GREM2: variants seen among roughly 807,000 people sequenced by gnomAD.
GREM2 encodes the protein gremlin-2.
A neutral mutation model predicts 14.2 loss-of-function variants in GREM2; 11 were observed. That is an observed-to-expected ratio of 0.78 (90% CI 0.49 to 1.28). The LOEUF (loss-of-function observed/expected upper bound fraction) is 1.28, where lower values mean the gene tolerates loss of function less well. Ranked by LOEUF, GREM2 falls within the 50% of genes most tolerant of loss-of-function variation. GREM2 has a pLI of 0.00. For missense variants in GREM2, 210 were observed against 218.5 expected, an observed-to-expected ratio of 0.96 and a Z score of 0.24; for synonymous variants, 98 against 97.6, an observed-to-expected ratio of 1.00 and a Z score of -0.02.
chr1:240,611,675 C>T (rs575474643), intron 1 of GREM2, among the ~76,000 whole-genome samples: 8 of 152,262 alleles, frequency 5.3e-5, no homozygotes, highest in Middle Eastern at 3.4e-3. Context: ...GTTACACCCA[C>T]GCATAATTCA....
chr1:240,597,696 C>T (rs1256689640), intron 1 of GREM2, among the ~76,000 whole-genome samples: 2 of 152,166 alleles, frequency 1.3e-5, no homozygotes, highest in African/African-American at 4.8e-5. Flanking sequence ...TTGTTGAATA[C>T]ACACAAATCA....
chr1:240,526,972 C>T (rs1678238927), intron 1 of GREM2, among the ~76,000 whole-genome samples: 1 of 152,134 alleles, frequency 6.6e-6, no homozygotes, highest in South Asian at 2.1e-4. Context: ...TGATGTTCTA[C>T]CAGCTAAGCA....
At chr1:240,562,708 CGTGT>C (rs10643403) in intron 1 of GREM2, among the ~76,000 whole-genome samples, 9,201 of 150,484 alleles carry the variant, frequency 0.061, 419 homozygotes, top group African/African-American at 0.13. Flanking sequence ...ACAGGATTGC[CGTGT>C]GTGTGTGTGT....
chr1:240,524,127 C>G (rs1004608515), intron 1 of GREM2, among the ~76,000 whole-genome samples: 1 of 152,214 alleles, frequency 6.6e-6, no homozygotes, highest in Admixed American at 6.5e-5. Flanking sequence ...AGCAATCCTT[C>G]CGCCTCAGCA....
In GREM2 at chr1:240,521,453, C is replaced by T. The variant is rs532639088; in HGVS notation, c.-1-27977G>A. Among the ~76,000 whole-genome samples, 68 of 151,694 alleles carry T rather than the reference C, an allele frequency of 4.5e-4. 2 individuals are homozygous for T. In the South Asian group the frequency reaches 0.013, roughly 29 times the overall value. On this transcript the variant is annotated intron_variant, in intron 1 of 1. Coordinates refer to ENST00000318160, the MANE Select transcript of GREM2 (RefSeq NM_022469.4). ...GGGCATGGTGAGGGGCGACTGTAGT[C>T]CCAGCTACTCGAGAGGCTGAGGCAG...
chr1:240,510,188 T>C lies in GREM2; in HGVS notation c.-1-16712A>G, dbSNP rs550760376. Among the ~76,000 whole-genome samples, 32 of 151,586 alleles carry C rather than the reference T, an allele frequency of 2.1e-4. No homozygotes were observed. The East Asian group carries it at 5.9e-3, about 28-fold the overall frequency. On this transcript the variant is annotated intron_variant, in intron 1 of 1. Coordinates refer to ENST00000318160, the MANE Select transcript of GREM2 (RefSeq NM_022469.4). ...ATTGGGACCATCCTGGCTAACACGG[T>C]GAAACCCCGTCTCCACTAAAAATAC...
intron 1 of GREM2, among the ~76,000 whole-genome samples, chr1:240,525,876 A>C (rs1678212003): frequency 1.3e-5 from 2 of 152,176 alleles, no homozygotes; most frequent in African/African-American, 4.8e-5. Context: ...TCTTTCTGGA[A>C]GTTCTAGGAG....
At chr1:240,562,761 ATGTATATGTG>A (rs999462119) in intron 1 of GREM2, among the ~76,000 whole-genome samples, 3 of 148,828 alleles carry the variant, frequency 2.0e-5, no homozygotes, top group Non-Finnish European at 3.0e-5. Flanking sequence ...ATATGTGTGT[ATGTATATGTG>A]TGTGTATGAG....
intron 1 of GREM2, among the ~76,000 whole-genome samples, chr1:240,585,729 C>CAAAAAAAAA (rs370321961): frequency 2.9e-5 from 2 of 67,830 alleles, no homozygotes; most frequent in Admixed American, 2.1e-4. Flanking sequence ...GACTCCATCT[C>CAAAAAAAAA]AAAAAAAAAA....
At chr1:240,544,336 G>A (rs775959133) in intron 1 of GREM2, among the ~76,000 whole-genome samples, 20 of 151,744 alleles carry the variant, frequency 1.3e-4, no homozygotes, top group South Asian at 2.1e-4. Flanking sequence ...TTTAATAGAC[G>A]CGGGGTTTCA....
rs573748694 is a variant in GREM2 at position 240,495,860 on chromosome 1, G to C, written c.-1-2384C>G. Among the ~76,000 whole-genome samples the C allele has an allele frequency of 5.3e-5, 8 of 152,236 alleles. No individual in the cohort carries two copies. The South Asian group carries it at 1.2e-3, about 24-fold the overall frequency. ...TTTATTCATCAAGTATCCATGGAACGTTTATTCTGGAGTAAGCACTGTCAT... is the reference window on the plus strand; with the variant it reads ...TTTATTCATCAAGTATCCATGGAACCTTTATTCTGGAGTAAGCACTGTCAT... On this transcript the variant is annotated intron_variant, in intron 1 of 1. Transcript: ENST00000318160.
At chr1:240,520,345 T>G (rs189195992) in intron 1 of GREM2, among the ~76,000 whole-genome samples, 96 of 152,220 alleles carry the variant, frequency 6.3e-4, no homozygotes, top group African/African-American at 2.1e-3. Context: ...AGCAGCAGAA[T>G]GCAGGGGGAC....
chr1:240,542,954 C>G lies in GREM2; in HGVS notation c.-1-49478G>C, dbSNP rs1377259030. Among the ~76,000 whole-genome samples the G allele has an allele frequency of 6.6e-6, 1 of 152,116 alleles. No individual in the cohort carries two copies. The highest frequency in any genetic ancestry group is 1.5e-5 in the Non-Finnish European group (1 of 68,022). ...CACTCTTAGAAGTTCTGTAAGATCCCACCAAAAAATATCACCTTCTTTGTG... is the reference window on the plus strand; with the variant it reads ...CACTCTTAGAAGTTCTGTAAGATCCGACCAAAAAATATCACCTTCTTTGTG... On this transcript the variant is annotated intron_variant, in intron 1 of 1. Transcript: ENST00000318160. The surrounding 1 kb of genome is among the most constrained non-coding windows in gnomAD (Gnocchi z 4.1).
intron 1 of GREM2, among the ~76,000 whole-genome samples, chr1:240,567,081 A>G (rs1451076571): frequency 6.6e-6 from 1 of 152,234 alleles, no homozygotes; most frequent in Non-Finnish European, 1.5e-5. Context: ...GATAGGATTA[A>G]TAAAATTATG....
At chr1:240,532,805 C>T (rs1181245764) in intron 1 of GREM2, among the ~76,000 whole-genome samples, 1 of 152,076 alleles carries the variant, frequency 6.6e-6, no homozygotes, top group Non-Finnish European at 1.5e-5. Context: ...AGTAAATAGC[C>T]AAGATAGGAG....
intron 1 of GREM2, among the ~76,000 whole-genome samples, chr1:240,498,612 A>G (rs752734011): frequency 1.3e-5 from 2 of 152,200 alleles, no homozygotes; most frequent in Non-Finnish European, 2.9e-5. Context: ...CCGTTCGCTC[A>G]TCATCCCTGC....
chr1:240,584,494 C>CAAAAAA (rs35785335), intron 1 of GREM2, among the ~76,000 whole-genome samples: 4 of 73,818 alleles, frequency 5.4e-5, no homozygotes, highest in African/African-American at 1.3e-4. Flanking sequence ...GACTCCATCT[C>CAAAAAA]AAAAAAAAAA....
intron 1 of GREM2, among the ~76,000 whole-genome samples, chr1:240,513,395 T>G (rs1320541188): frequency 6.6e-6 from 1 of 151,474 alleles, no homozygotes; most frequent in Non-Finnish European, 1.5e-5. Flanking sequence ...GCCAACAAGG[T>G]GAAACCCCAT....
chr1:240,539,361 G>T (rs1678540345), intron 1 of GREM2, among the ~76,000 whole-genome samples: 1 of 152,150 alleles, frequency 6.6e-6, no homozygotes, highest in African/African-American at 2.4e-5. Context: ...CCATGAGCTT[G>T]CATGAGTGAC....
Sources: gnomAD v4.1 joint callset for allele counts (sites outside exome capture counted in the v4.1 genomes callset) on GRCh38, gnomAD v4.1.1 for gene constraint, Gnocchi (gnomAD v3.1) non-coding constraint, MANE v1.5 for transcripts, NCBI Gene and HGNC (gene_info 2026-07-23, HGNC 2026-07-21) for gene names.